The following CSMD1 variants were observed in gnomAD, a reference collection of about 807,000 sequenced individuals.
CSMD1 encodes the protein CUB and Sushi multiple domains 1.
A neutral mutation model predicts 417.5 loss-of-function variants in CSMD1; 213 were observed. That is an observed-to-expected ratio of 0.51 (90% CI 0.46 to 0.57). The LOEUF is 0.57. Ranked by LOEUF, CSMD1 falls within the 20% of genes least tolerant of loss-of-function variation. The probability of loss-of-function intolerance (pLI) is 0.00; values close to 1 mark genes in which losing one functional copy is unlikely to be tolerated. For missense variants in CSMD1, 6,923 were observed against 4,529.7 expected (o/e 1.53, Z -15.17); for synonymous variants, 2,862 against 1,736.8 (o/e 1.65, Z -16.11).
chr8:3,410,009 C>G (rs1812584316), intron 12 of CSMD1, among the ~76,000 whole-genome samples: 11 of 152,186 alleles, frequency 7.2e-5, no homozygotes, highest in Admixed American at 7.2e-4. Flanking sequence ...TCATTCCCTA[C>G]TGAGTATTTA....
At chr8:3,248,300 C>T (rs1800013268) in intron 26 of CSMD1, among the ~76,000 whole-genome samples, 1 of 97,874 alleles carries the variant, frequency 1.0e-5, no homozygotes, top group Non-Finnish European at 2.3e-5. Flanking sequence ...ACAGTACTGG[C>T]TTGCACCTGT....
intron 33 of CSMD1, among the ~76,000 whole-genome samples, chr8:3,192,811 G>C (rs1339795505): frequency 6.6e-6 from 1 of 151,934 alleles, no homozygotes; most frequent in East Asian, 1.9e-4. Flanking sequence ...AAGCAGATTT[G>C]GAGCATTTTG....
At position 3,637,685 on chromosome 8, in the gene CSMD1, C is replaced by A. The variant is rs79764591; in HGVS notation, c.1010-20888G>T. On this transcript the variant is annotated intron_variant, in intron 7 of 69. Coordinates refer to ENST00000635120, the MANE Select transcript of CSMD1 (RefSeq NM_033225.6). ...ACAATCATATGAAACAGGATGACAA[C>A]TGAATTACCTCTGGCATACAGGTGT... Among the ~76,000 whole-genome samples the A allele has an allele frequency of 3.0e-4, 45 of 152,252 alleles. 1 individual carries two copies. Among genetic ancestry groups the A allele is most frequent in the African/African-American group, 1.1e-3 (44 of 41,554 alleles).
intron 40 of CSMD1, among the ~76,000 whole-genome samples, chr8:3,149,835 A>T (rs1387234611): frequency 1.3e-5 from 2 of 152,170 alleles, no homozygotes; most frequent in African/African-American, 4.8e-5. Context: ...TAACTCATTT[A>T]AAAAAACCAC....
intron 3 of CSMD1, among the ~76,000 whole-genome samples, chr8:4,234,071 C>G (rs1157078141): frequency 6.6e-6 from 1 of 151,996 alleles, no homozygotes; most frequent in Non-Finnish European, 1.5e-5. Flanking sequence ...AACCATTAAC[C>G]CCTGCCTAAG....
intron 7 of CSMD1, among the ~76,000 whole-genome samples, chr8:3,669,632 G>A (rs538447615): frequency 7.2e-5 from 11 of 152,134 alleles, no homozygotes; most frequent in Admixed American, 6.5e-5. Flanking sequence ...GTATTCGCCC[G>A]CTGGGTACAT....
intron 11 of CSMD1, among the ~76,000 whole-genome samples, chr8:3,490,125 T>C (rs1293406739): frequency 2.0e-5 from 3 of 152,346 alleles, no homozygotes; most frequent in Admixed American, 6.5e-5. Flanking sequence ...TGTTCGGTTA[T>C]TTTTCTGTGA....
intron 10 of CSMD1, among the ~76,000 whole-genome samples, chr8:3,553,322 G>A (rs769585944): frequency 6.6e-6 from 1 of 152,132 alleles, no homozygotes; most frequent in East Asian, 1.9e-4. Flanking sequence ...CCAATTTCAG[G>A]AATTTTTATA....
rs1237212553 is a variant in CSMD1, at chr8:4,717,517, G to C, written c.86-79959C>G. ...ATGTATCTACCTATGACAAGATTCA[G>C]TTACAAACCTATCAATCTGTCTGTC... On this transcript the variant is annotated intron_variant, in intron 1 of 69. Transcript: ENST00000635120. 1.4e-4 allele frequency among the ~76,000 whole-genome samples: 21 copies of C among 150,504 alleles called. 1 individual carries two copies. The highest frequency in any genetic ancestry group is 1.4e-3 in the Admixed American group (21 of 15,108).
At chr8:3,922,297 G>A (rs927250199) in intron 5 of CSMD1, among the ~76,000 whole-genome samples, 2 of 151,758 alleles carry the variant, frequency 1.3e-5, no homozygotes, top group Admixed American at 6.6e-5. Flanking sequence ...CTTTTAAAAA[G>A]CATATAGTTG....
chr8:4,803,103 T>C (rs1277604162), intron 1 of CSMD1, among the ~76,000 whole-genome samples: 2 of 152,216 alleles, frequency 1.3e-5, no homozygotes, highest in Non-Finnish European at 2.9e-5. Context: ...CTTAGTCTTA[T>C]TTAAAAGATC....
intron 1 of CSMD1, among the ~76,000 whole-genome samples, chr8:4,976,402 C>CATTAT (rs1363310863): frequency 2.0e-5 from 3 of 152,130 alleles, no homozygotes; most frequent in Admixed American, 2.0e-4. Context: ...TTAATGAAGG[C>CATTAT]ATTTTAATGA....
intron 30 of CSMD1, among the ~76,000 whole-genome samples, chr8:3,213,456 C>G (rs1291415291): frequency 6.6e-6 from 1 of 152,132 alleles, no homozygotes; most frequent in Non-Finnish European, 1.5e-5. Flanking sequence ...GTCTACCCTC[C>G]CACTCTTCCC....
rs191623114 is a variant in CSMD1 at position 4,719,779 on chromosome 8, A to T, written c.86-82221T>A. ...TACGATTTTCAAAGTACAAATTATT[A>T]TTTCCCTTTGAGAGCTTGAACTATT... On this transcript the variant is annotated intron_variant, in intron 1 of 69. Transcript: ENST00000635120. 2.9e-3 allele frequency among the ~76,000 whole-genome samples: 443 copies of T among 152,270 alleles called. 8 individuals are homozygous for T. The highest frequency in any genetic ancestry group is 1.6e-3 in the Non-Finnish European group (109 of 68,020).
chr8:3,365,559 C>G (rs542228296), intron 20 of CSMD1, among the ~76,000 whole-genome samples: 2 of 152,264 alleles, frequency 1.3e-5, no homozygotes, highest in Admixed American at 1.3e-4. Context: ...TGGAGATTTG[C>G]TACAACTTAA....
chr8:4,541,017 C>T (rs943744553), intron 2 of CSMD1, among the ~76,000 whole-genome samples: 1 of 152,216 alleles, frequency 6.6e-6, no homozygotes, highest in African/African-American at 2.4e-5. Context: ...TTAAATGCCT[C>T]ATTTTACTTA....
intron 5 of CSMD1, among the ~76,000 whole-genome samples, chr8:3,982,647 G>T (rs1460829069): frequency 1.3e-5 from 2 of 151,992 alleles, no homozygotes; most frequent in Admixed American, 1.3e-4. Context: ...ATTATGTGGG[G>T]CAAAGATAGG....
chr8:3,108,683 G>A lies in CSMD1; in HGVS notation c.6674C>T (p.Ala2225Val), dbSNP rs756664725. 12 of 1,613,526 alleles carry A rather than the reference G, an allele frequency of 7.4e-6. No individual in the cohort carries two copies. In the East Asian group the frequency reaches 1.3e-4, roughly 18 times the overall value. Residue 2225 changes from alanine (A) to valine (V), a missense_variant, in exon 44 of 70, where the codon GCG becomes GTG. Physicochemically the swap from Ala to Val is moderately conservative, Grantham distance 64 (BLOSUM62 0). Transcript: ENST00000635120. ...VFSGNTALET[A>V]YSSTNQVLLK... ...CAGGACTTGGTTGGTGGAGCTATAC[G>A]CCGTTTCGAGGGCTGTGTTGCCACT...
chr8:3,727,109 C>T (rs1416404327), intron 6 of CSMD1, among the ~76,000 whole-genome samples: 1 of 152,106 alleles, frequency 6.6e-6, no homozygotes, highest in Non-Finnish European at 1.5e-5. Flanking sequence ...TACTACTATC[C>T]CATAATACCA....
Sources: allele counts gnomAD v4.1 joint callset (sites outside exome capture counted in the v4.1 genomes callset), GRCh38; gene constraint gnomAD v4.1.1; transcripts MANE v1.5; gene names NCBI Gene and HGNC (gene_info 2026-07-23, HGNC 2026-07-21).